Variants in HS3ST4 observed in about 807,000 individuals in gnomAD.
HS3ST4 encodes the protein heparan sulfate-glucosamine 3-sulfotransferase 4, also known as heparan sulfate glucosamine 3-O-sulfotransferase 4.
A neutral mutation model predicts 29.2 loss-of-function variants in HS3ST4; 17 were observed. That is an observed-to-expected ratio of 0.58 (90% CI 0.40 to 0.87). The LOEUF is 0.87. HS3ST4 is among the 40% of genes least tolerant of loss of function. The pLI is 0.00. For missense variants in HS3ST4, 627 were observed against 634.5 expected, an observed-to-expected ratio of 0.99 and a Z score of 0.13; for synonymous variants, 314 against 285.7, an observed-to-expected ratio of 1.10 and a Z score of -1.00.
chr16:25,791,023 T>G (rs1322504912), intron 1 of HS3ST4, among the ~76,000 whole-genome samples: 1 of 152,156 alleles, frequency 6.6e-6, no homozygotes, highest in Non-Finnish European at 1.5e-5. Flanking sequence ...TATTCTGTAT[T>G]TTTCAAACAG....
chr16:26,049,070 C>G (rs926272105), intron 1 of HS3ST4, among the ~76,000 whole-genome samples: 2 of 151,778 alleles, frequency 1.3e-5, no homozygotes, highest in South Asian at 4.1e-4. Context: ...TTTATGATTG[C>G]CTTTTATTTG....
At chr16:25,996,288 G>A (rs1232272885) in intron 1 of HS3ST4, among the ~76,000 whole-genome samples, 1 of 152,042 alleles carries the variant, frequency 6.6e-6, no homozygotes, top group Non-Finnish European at 1.5e-5. Flanking sequence ...AGAGGGCCAG[G>A]GTAAAACTGA....
chr16:25,718,518 GA>G (rs576518042), intron 1 of HS3ST4, among the ~76,000 whole-genome samples: 5 of 137,088 alleles, frequency 3.6e-5, no homozygotes, highest in Non-Finnish European at 6.5e-5. Flanking sequence ...GAGAGAGAGA[GA>G]AAGAAAGAGA....
In HS3ST4 at chr16:25,692,880, G is replaced by C; in HGVS notation, c.463G>C (p.Ala155Pro). The change falls in exon 1 of 2, where the codon GCG becomes CCG. Residue 155 changes from alanine to proline, a missense_variant. Transcript: ENST00000331351. ...CAGCGAGATGATCACGGCTCAGAGC[G>C]CGCTGCCGGAGAGGGAAGCGCAGGA... ...APSEMITAQS[A>P]LPEREAQESS... 1 of 1,548,310 alleles carries C rather than the reference G, an allele frequency of 6.5e-7. No individual in the cohort carries two copies. Among genetic ancestry groups the C allele is most frequent in the South Asian group, 1.2e-5 (1 of 84,046 alleles).
intron 1 of HS3ST4, among the ~76,000 whole-genome samples, chr16:26,114,377 A>G (rs1334771510): frequency 2.0e-5 from 3 of 152,162 alleles, no homozygotes; most frequent in Non-Finnish European, 4.4e-5. Flanking sequence ...CAAAGCTGGC[A>G]TGAAACTCTA....
intron 1 of HS3ST4, among the ~76,000 whole-genome samples, chr16:25,939,758 G>A (rs1968554866): frequency 6.6e-6 from 1 of 152,148 alleles, no homozygotes; most frequent in Admixed American, 6.5e-5. Flanking sequence ...TGTCCTCAGT[G>A]CCATTTTAAA....
At chr16:26,032,889 G>A in intron 1 of HS3ST4, 2 of 1,242,366 alleles carry the variant, frequency 1.6e-6, no homozygotes, top group Non-Finnish European at 2.3e-6. Flanking sequence ...TCGGTCTGGG[G>A]GTCGTTCTCG....
chr16:25,749,950 T>A (rs1433766249), intron 1 of HS3ST4, among the ~76,000 whole-genome samples: 1 of 152,226 alleles, frequency 6.6e-6, no homozygotes, highest in Admixed American at 6.5e-5. Flanking sequence ...CAATGTGGTA[T>A]AACAAATTCA....
intron 1 of HS3ST4, among the ~76,000 whole-genome samples, chr16:25,903,375 A>G (rs375765751): frequency 4.8e-5 from 2 of 41,438 alleles, no homozygotes. Context: ...TTATATATAT[A>G]TATATATAAA....
intron 1 of HS3ST4, among the ~76,000 whole-genome samples, chr16:25,941,544 G>A (rs899748087): frequency 2.0e-5 from 3 of 151,754 alleles, no homozygotes; most frequent in Non-Finnish European, 4.4e-5. Context: ...TTTTTTGTTT[G>A]TTTTGTTTTT....
At chr16:25,904,861 G>A (rs1015826635) in intron 1 of HS3ST4, among the ~76,000 whole-genome samples, 2 of 152,182 alleles carry the variant, frequency 1.3e-5, no homozygotes, top group African/African-American at 4.8e-5. Flanking sequence ...TAAATGTGAA[G>A]CATTTTGGAC....
At chr16:26,017,122 C>T (rs7190703) in intron 1 of HS3ST4, among the ~76,000 whole-genome samples, 103,093 of 152,180 alleles carry the variant, frequency 0.68, 35,971 homozygotes, top group African/African-American at 0.84. Context: ...CTGACACTTA[C>T]GCACTAATTT....
intron 1 of HS3ST4, among the ~76,000 whole-genome samples, chr16:26,116,756 C>T (rs80079901): frequency 0.018 from 2,763 of 152,288 alleles, 76 homozygotes; most frequent in African/African-American, 0.061. Context: ...CATCCATCTA[C>T]TTATTCATGA....
intron 1 of HS3ST4, among the ~76,000 whole-genome samples, chr16:25,891,172 G>A (rs1377152461): frequency 1.3e-5 from 2 of 152,194 alleles, no homozygotes; most frequent in East Asian, 1.9e-4. Context: ...CAGTGAGCCT[G>A]TCACCGGGTA....
At chr16:26,112,916 T>TC (rs1438191224) in intron 1 of HS3ST4, among the ~76,000 whole-genome samples, 5 of 57,860 alleles carry the variant, frequency 8.6e-5, no homozygotes, top group Admixed American at 1.5e-4. Context: ...TGGCATTAGC[T>TC]TTAAGGTGAG....
At chr16:26,008,099 A>T (rs983293297) in intron 1 of HS3ST4, among the ~76,000 whole-genome samples, 1 of 152,160 alleles carries the variant, frequency 6.6e-6, no homozygotes, top group Non-Finnish European at 1.5e-5. Context: ...CAGATTAACA[A>T]GAGAAAGGCA....
In HS3ST4 at chr16:25,692,102, G is replaced by A. The variant is rs554649507; in HGVS notation, c.-316G>A. The A allele has an allele frequency of 6.8e-3, 1,022 of 150,750 alleles. 13 individuals carry two copies. The highest frequency in any genetic ancestry group is 0.031 in the South Asian group (151 of 4,804). The allele number at this position is 150,750 out of a possible 1,614,324, so 9.3% of individuals were successfully genotyped here. A position where few individuals can be genotyped will look rare whatever the true frequency, so the allele number is the denominator to read the frequency against. On this transcript the variant is annotated 5_prime_UTR_variant, in exon 1 of 2. Coordinates refer to ENST00000331351, the MANE Select transcript of HS3ST4 (RefSeq NM_006040.3). ...GGGAAGCGGGGGCGCTGCAGACGGA[G>A]CAGGTGCCGCCGGCGGGTCCGCGCG...
intron 1 of HS3ST4, among the ~76,000 whole-genome samples, chr16:25,904,151 GATGA>G (rs753309902): frequency 0.011 from 689 of 65,150 alleles, 2 homozygotes; most frequent in Middle Eastern, 0.034. Context: ...TGGATGGATG[GATGA>G]ATGGATGAAT....
chr16:25,889,392 A>C (rs1967985893), intron 1 of HS3ST4, among the ~76,000 whole-genome samples: 1 of 152,190 alleles, frequency 6.6e-6, no homozygotes, highest in African/African-American at 2.4e-5. Flanking sequence ...GACTTGCTAG[A>C]GAAGATTGAA....
Sources: allele counts gnomAD v4.1 joint callset (sites outside exome capture counted in the v4.1 genomes callset), GRCh38; gene constraint gnomAD v4.1.1; transcripts MANE v1.5; gene names NCBI Gene and HGNC (gene_info 2026-07-23, HGNC 2026-07-21).